The following OGA variants were observed in gnomAD, a reference collection of about 807,000 sequenced individuals.
The protein encoded by OGA is protein O-GlcNAcase.
OGA carries 21 observed loss-of-function variants against 102.0 expected under a neutral mutation model. The observed-to-expected ratio is 0.21, with a 90% CI of 0.15 to 0.30. The LOEUF (loss-of-function observed/expected upper bound fraction) is 0.30, where lower values mean the gene tolerates loss of function less well. Among genes scored for constraint, OGA ranks in the 10% least tolerant of loss-of-function variants. The pLI is 1.00. For synonymous variants in OGA, 408 were observed against 378.2 expected (o/e 1.08, Z -0.91); for missense variants, 765 against 1,107.8 (o/e 0.69, Z 4.39).
chr10:101,804,429 C>G (rs991754973), intron 6 of OGA, among the ~76,000 whole-genome samples: 2 of 151,188 alleles, frequency 1.3e-5, no homozygotes, highest in African/African-American at 2.4e-5. Flanking sequence ...CCCTCCACCA[C>G]GCCTGGCTAA....
chr10:101,786,341 C>T lies in OGA; in HGVS notation c.*110G>A. ...TACATAGTCTTCTTTGTTTCGAATC[C>T]AATTGGCTGATTTGTTACCATTCTA... is the stretch of plus-strand genomic sequence containing the variant. On this transcript the variant is annotated 3_prime_UTR_variant, in exon 16 of 16. Coordinates refer to ENST00000361464, the MANE Select transcript of OGA (RefSeq NM_012215.5). 1 of 1,143,136 alleles carries T rather than the reference C, an allele frequency of 8.7e-7. No homozygotes were observed. Among genetic ancestry groups the T allele is most frequent in the Non-Finnish European group, 1.2e-6 (1 of 849,632 alleles). The allele number at this position is 1,143,136 out of a possible 1,614,324, so 70.8% of individuals were successfully genotyped here. A position where few individuals can be genotyped will look rare whatever the true frequency, so the allele number is the denominator to read the frequency against.
At chr10:101,809,522 C>T (rs1404498653) in intron 4 of OGA, among the ~76,000 whole-genome samples, 1 of 152,036 alleles carries the variant, frequency 6.6e-6, no homozygotes, top group African/African-American at 2.4e-5. Context: ...TCGAGACCAG[C>T]CTGGCCAACG....
At chr10:101,811,865 T>C (rs902268410) in intron 3 of OGA, among the ~76,000 whole-genome samples, 3 of 152,196 alleles carry the variant, frequency 2.0e-5, no homozygotes, top group Admixed American at 6.5e-5. Context: ...AGACATATTT[T>C]TGAATAATTT....
chr10:101,800,179 G>A, intron 8 of OGA, 63 bp downstream of exon 8: 3 of 1,538,008 alleles, frequency 2.0e-6, no homozygotes, highest in East Asian at 4.5e-5. Flanking sequence ...GGGAGACAGT[G>A]TTCTTTACTT....
intron 6 of OGA, among the ~76,000 whole-genome samples, chr10:101,805,130 G>C (rs768667733): frequency 1.3e-5 from 2 of 151,672 alleles, no homozygotes. Flanking sequence ...TCTACCTCCC[G>C]GGCTCAAGTG....
chr10:101,801,594 T>C (rs1343074475), intron 7 of OGA, among the ~76,000 whole-genome samples: 2 of 152,186 alleles, frequency 1.3e-5, no homozygotes, highest in Admixed American at 6.5e-5. Context: ...ACCCTTAGTA[T>C]GTTCCTTGCT....
At chr10:101,800,522 GAAC>G (rs1478462430) in intron 7 of OGA, 122 bp from the exon 8 acceptor site, 2 of 714,830 alleles carry the variant, frequency 2.8e-6, no homozygotes, top group Non-Finnish European at 4.5e-6. Flanking sequence ...AACAGAATGA[GAAC>G]AAACCTTAAA....
At chr10:101,786,629 AATT>A in intron 15 of OGA, 42 bp from the exon 16 acceptor site, 1 of 1,441,146 alleles carries the variant, frequency 6.9e-7, no homozygotes, top group Non-Finnish European at 9.2e-7. Flanking sequence ...TAAGTCACTT[AATT>A]AGTATAATTA....
intron 4 of OGA, among the ~76,000 whole-genome samples, chr10:101,809,593 A>G (rs2065523594): frequency 6.6e-6 from 1 of 151,550 alleles, no homozygotes; most frequent in South Asian, 2.1e-4. Context: ...GTGTGCCTGT[A>G]ACAGCTACTC....
intron 5 of OGA, among the ~76,000 whole-genome samples, chr10:101,806,916 A>G (rs866345858): frequency 3.3e-5 from 5 of 152,208 alleles, no homozygotes; most frequent in Admixed American, 1.3e-4. Flanking sequence ...TCTACCAAAA[A>G]TATAAAAATT....
chr10:101,791,722 A>T (rs191644333), intron 12 of OGA, among the ~76,000 whole-genome samples: 1 of 152,356 alleles, frequency 6.6e-6, no homozygotes, highest in East Asian at 1.9e-4. Context: ...GCTGGAGTGC[A>T]GTGGTGCAAT....
intron 10 of OGA, 165 bp from the exon 11 acceptor site, chr10:101,794,163 G>A (rs906716148): frequency 1.7e-5 from 8 of 464,274 alleles, no homozygotes; most frequent in South Asian, 2.9e-5. Flanking sequence ...AAATGTTAAC[G>A]GCATTTCAAT....
intron 2 of OGA, 131 bp downstream of exon 2, chr10:101,813,424 G>C (rs766420860): frequency 4.7e-6 from 3 of 640,280 alleles, no homozygotes; most frequent in Non-Finnish European, 8.0e-6. Flanking sequence ...AAGGGACCAA[G>C]GTAAAATAAC....
chr10:101,791,330 C>T (rs1229997450), intron 13 of OGA, 24 bp downstream of exon 13: 2 of 1,587,368 alleles, frequency 1.3e-6, no homozygotes, highest in East Asian at 4.5e-5. Flanking sequence ...GGTCTACTCT[C>T]AAATCCAAAT....
intron 1 of OGA, among the ~76,000 whole-genome samples, chr10:101,814,657 A>G (rs1420050893): frequency 2.0e-5 from 3 of 152,224 alleles, no homozygotes; most frequent in African/African-American, 7.2e-5. Flanking sequence ...CACATTCCCA[A>G]GAAATTCAAC....
intron 1 of OGA, among the ~76,000 whole-genome samples, chr10:101,816,024 C>A (rs2065619886): frequency 1.5e-5 from 2 of 130,376 alleles, no homozygotes; most frequent in Admixed American, 1.6e-4. Flanking sequence ...GTAATCTTAG[C>A]ACTTTGGAAG....
intron 4 of OGA, among the ~76,000 whole-genome samples, chr10:101,808,735 C>T (rs1344209147): frequency 3.3e-5 from 5 of 151,984 alleles, no homozygotes; most frequent in Non-Finnish European, 5.9e-5. Context: ...TTTGGGAGGC[C>T]GAGGCGGGCA....
chr10:101,812,695 C>A, intron 3 of OGA: 1 of 316,970 alleles, frequency 3.2e-6, no homozygotes, highest in Non-Finnish European at 6.1e-6. Context: ...AAGGTACGTG[C>A]CTCACTTGCC....
chr10:101,807,701 G>C, intron 5 of OGA, 29 bp downstream of exon 5: 18 of 1,454,454 alleles, frequency 1.2e-5, no homozygotes, highest in Non-Finnish European at 1.7e-5. Flanking sequence ...AAGAAGACTA[G>C]TTAAATGTAA....
Sources: gnomAD v4.1 joint callset for allele counts (sites outside exome capture counted in the v4.1 genomes callset) on GRCh38, gnomAD v4.1.1 for gene constraint, MANE v1.5 for transcripts, NCBI Gene and HGNC (gene_info 2026-07-23, HGNC 2026-07-21) for gene names.